AGAP1: variants seen among roughly 807,000 people sequenced by gnomAD.
The protein encoded by AGAP1 is arf-GAP with GTPase, ANK repeat and PH domain-containing protein 1.
Under a neutral mutation model 105.3 loss-of-function variants are expected in AGAP1, and 29 were observed. That is an observed-to-expected ratio of 0.28 (90% CI 0.21 to 0.38). The LOEUF is 0.38. Among genes scored for constraint, AGAP1 ranks in the 10% least tolerant of loss-of-function variants. AGAP1 has a pLI of 1.00. For synonymous variants in AGAP1, 509 were observed against 485.9 expected (o/e 1.05, Z -0.63); for missense variants, 998 against 1,165.1 (o/e 0.86, Z 2.09).
In AGAP1 at chr2:235,845,686, G is replaced by A. The variant is rs547985523; in HGVS notation, c.1051-37659G>A. Reference sequence around the variant, plus strand: ...GTCTTTGCCTCTCGGTGACATCCACGGAGTCACCCAAGTCACCAGCCGGGA... The same window carrying A: ...GTCTTTGCCTCTCGGTGACATCCACAGAGTCACCCAAGTCACCAGCCGGGA... On this transcript the variant is annotated intron_variant, in intron 9 of 17. Transcript: ENST00000304032. This position sits in a 1 kb window ranked among gnomAD's most constrained non-coding sequence, Gnocchi z 4.8. 3.3e-5 allele frequency among the ~76,000 whole-genome samples: 5 copies of A among 151,686 alleles called. No homozygotes were observed. Among genetic ancestry groups the A allele is most frequent in the East Asian group, 1.9e-4 (1 of 5,146 alleles).
intron 1 of AGAP1, among the ~76,000 whole-genome samples, chr2:235,657,258 A>G (rs1947802997): frequency 6.6e-6 from 1 of 152,178 alleles, no homozygotes; most frequent in African/African-American, 2.4e-5. Flanking sequence ...GAGTTGTTCA[A>G]TGCATGACCT....
intron 12 of AGAP1, among the ~76,000 whole-genome samples, chr2:235,968,052 A>G (rs527599610): frequency 6.6e-6 from 1 of 152,230 alleles, no homozygotes; most frequent in African/African-American, 2.4e-5. Context: ...AGTCAAACCC[A>G]CTTAAGATGA....
At chr2:235,846,845 C>T (rs1057320888) in intron 9 of AGAP1, among the ~76,000 whole-genome samples, 1 of 152,148 alleles carries the variant, frequency 6.6e-6, no homozygotes, top group African/African-American at 2.4e-5. Context: ...CCAGGCTGGT[C>T]TGGAACTCCT....
Position 235,807,243 on chromosome 2 carries a change from G to C in AGAP1, c.962G>C (p.Arg321Pro). Residue 321 changes from arginine to proline, a missense_variant, in exon 9 of 18, where the codon CGG becomes CCG. Around this residue, in one of 3 missense-constraint regions of AGAP1, gnomAD observed 735 missense variants for 833.4 expected, o/e 0.88. Coordinates refer to ENST00000304032, the MANE Select transcript of AGAP1 (RefSeq NM_001037131.3). ...SKRRSNLFTS[R>P]KGSDPDKEKK... The stretch of plus-strand genomic sequence containing the variant: ...AACTTTCCTTTTGCTTTGCAGTCTC[G>C]GAAAGGGAGCGACCCAGACAAAGAG... 6.2e-7 allele frequency: 1 copy of C among 1,610,640 alleles called. No individual in the cohort carries two copies. The highest frequency in any genetic ancestry group is 8.5e-7 in the Non-Finnish European group (1 of 1,179,158).
rs771864634 is a variant in AGAP1 at position 235,635,461 on chromosome 2, G to A, written c.164-73718G>A. 1.3e-5 allele frequency among the ~76,000 whole-genome samples: 2 copies of A among 152,134 alleles called. No homozygotes were observed. Among genetic ancestry groups the A allele is most frequent in the Non-Finnish European group, 2.9e-5 (2 of 68,024 alleles). ...TCTGAAAATTTGTCATTTTGGTGTG[G>A]TGAATTCGTTCTTTTATTCATCATC... is the stretch of plus-strand genomic sequence containing the variant. On this transcript the variant is annotated intron_variant, in intron 1 of 17. Transcript: ENST00000304032. This position sits in a 1 kb window ranked among gnomAD's most constrained non-coding sequence, Gnocchi z 5.3.
rs1160948275 is a variant in AGAP1, at chr2:235,765,237, G to A, written c.673+14749G>A. Among the ~76,000 whole-genome samples the A allele has an allele frequency of 2.6e-3, 287 of 109,912 alleles. 1 individual carries two copies. Among genetic ancestry groups the A allele is most frequent in the Non-Finnish European group, 4.7e-3 (253 of 54,244 alleles). The allele number at this position is 109,912 out of a possible 152,430, so 72.1% of individuals were successfully genotyped here. On this transcript the variant is annotated intron_variant, in intron 6 of 17. Coordinates refer to ENST00000304032, the MANE Select transcript of AGAP1 (RefSeq NM_001037131.3). The stretch of plus-strand genomic sequence containing the variant: ...CGTGGGGTTGGGGGTATCTGGGAGC[G>A]TCCGTGGGGTGGGGGCATCTGGGAG...
At chr2:235,696,581 C>A (rs1300770768) in intron 1 of AGAP1, among the ~76,000 whole-genome samples, 1 of 152,212 alleles carries the variant, frequency 6.6e-6, no homozygotes. Context: ...CTCAACAGAC[C>A]TTCTCCCAGG....
At chr2:235,588,391 C>T (rs1945201592) in intron 1 of AGAP1, among the ~76,000 whole-genome samples, 1 of 152,060 alleles carries the variant, frequency 6.6e-6, no homozygotes, top group African/African-American at 2.4e-5. Context: ...ACTCAACCAC[C>T]CTTCCCATTT....
intron 1 of AGAP1, among the ~76,000 whole-genome samples, chr2:235,511,963 AAGGTGATTGTGAG>A (rs1942148858): frequency 6.9e-6 from 1 of 144,956 alleles, no homozygotes; most frequent in Non-Finnish European, 1.5e-5. Flanking sequence ...TGTGTGTGTA[AAGGTGATTGTGAG>A]TGTGTGAATG....
chr2:235,626,396 C>T (rs1946638293), intron 1 of AGAP1, among the ~76,000 whole-genome samples: 1 of 152,160 alleles, frequency 6.6e-6, no homozygotes, highest in South Asian at 2.1e-4. Context: ...CTCTCTCCCT[C>T]ATAAGCTTGC....
rs1035699123 is a variant in AGAP1, at chr2:235,976,999, T to C, written c.1645+8376T>C. ...GAAGCATAAACTCACCTTTGAAAAA[T>C]GCTGACTACTCACAAGGTCCCTTTC... On this transcript the variant is annotated intron_variant, in intron 13 of 17. Coordinates refer to ENST00000304032, the MANE Select transcript of AGAP1 (RefSeq NM_001037131.3). This position sits in a 1 kb window ranked among gnomAD's most constrained non-coding sequence, Gnocchi z 4.5. 6.6e-6 allele frequency among the ~76,000 whole-genome samples: 1 copy of C among 152,116 alleles called. No individual in the cohort carries two copies. The highest frequency in any genetic ancestry group is 1.5e-5 in the Non-Finnish European group (1 of 68,026).
chr2:235,724,594 G>A lies in AGAP1; in HGVS notation c.310+6950G>A, dbSNP rs980031292. 6.6e-6 allele frequency among the ~76,000 whole-genome samples: 1 copy of A among 152,088 alleles called. No homozygotes were observed. Among genetic ancestry groups the A allele is most frequent in the East Asian group, 1.9e-4 (1 of 5,170 alleles). ...AGGTACCTGCGGTGGTGGGGGGAGG[G>A]GGAGTTCCCTATGTAAAGAAGAGTC... is the stretch of plus-strand genomic sequence containing the variant. On this transcript the variant is annotated intron_variant, in intron 3 of 17. Transcript: ENST00000304032. This position sits in a 1 kb window ranked among gnomAD's most constrained non-coding sequence, Gnocchi z 4.9.
At chr2:235,924,973 G>A (rs1323737506) in intron 11 of AGAP1, among the ~76,000 whole-genome samples, 3 of 152,128 alleles carry the variant, frequency 2.0e-5, no homozygotes, top group Non-Finnish European at 4.4e-5. Context: ...GAGGCCCGTG[G>A]AGAGCTGGCT....
rs1341593636 is a variant in AGAP1, at chr2:235,943,537, A to G, written c.1483+12614A>G. ...GCTAATTTTTGTATTTTTAGTAGAGACGGGGTTTCGCCATGTTGGCCAGGC... is the reference window on the plus strand; with the variant it reads ...GCTAATTTTTGTATTTTTAGTAGAGGCGGGGTTTCGCCATGTTGGCCAGGC... On this transcript the variant is annotated intron_variant, in intron 12 of 17. Coordinates refer to ENST00000304032, the MANE Select transcript of AGAP1 (RefSeq NM_001037131.3). 2.0e-5 allele frequency among the ~76,000 whole-genome samples: 3 copies of G among 151,906 alleles called. No homozygotes were observed. The East Asian group carries it at 5.8e-4, about 29-fold the overall frequency.
chr2:235,925,942 A>C (rs193108535), intron 11 of AGAP1, among the ~76,000 whole-genome samples: 1 of 152,366 alleles, frequency 6.6e-6, no homozygotes, highest in East Asian at 1.9e-4. Flanking sequence ...TTAACGTGAA[A>C]TGAATTCCAG....
chr2:236,074,717 T>C (rs2058591249), intron 16 of AGAP1, among the ~76,000 whole-genome samples: 1 of 152,218 alleles, frequency 6.6e-6, no homozygotes. Flanking sequence ...CTGTTTTCTT[T>C]TACTTAAAAG....
intron 9 of AGAP1, among the ~76,000 whole-genome samples, chr2:235,835,128 C>T (rs1959981480): frequency 6.6e-6 from 1 of 152,178 alleles, no homozygotes; most frequent in South Asian, 2.1e-4. Context: ...TGGACAGGTG[C>T]CCTCAGTGTG....
At position 236,109,669 on chromosome 2, in the gene AGAP1, G is replaced by A. The variant is rs891387487; in HGVS notation, c.2115-10523G>A. ...GAACGTCCTAGTCGGCGGCAGCGTCGGTGCTCTGGACCGGCAGCCGTGGAA... is the reference window on the plus strand; with the variant it reads ...GAACGTCCTAGTCGGCGGCAGCGTCAGTGCTCTGGACCGGCAGCCGTGGAA... On this transcript the variant is annotated intron_variant, in intron 16 of 17. Transcript: ENST00000304032. The surrounding 1 kb of genome is among the most constrained non-coding windows in gnomAD (Gnocchi z 5.4). 6.6e-6 allele frequency among the ~76,000 whole-genome samples: 1 copy of A among 152,212 alleles called. No individual in the cohort carries two copies. Among genetic ancestry groups the A allele is most frequent in the African/African-American group, 2.4e-5 (1 of 41,454 alleles).
chr2:235,594,301 T>TC (rs397975544), intron 1 of AGAP1, among the ~76,000 whole-genome samples: 3 of 150,414 alleles, frequency 2.0e-5, no homozygotes, highest in African/African-American at 7.3e-5. Context: ...TTTTTTTTTT[T>TC]CATATTTAAA....
Sources: allele counts gnomAD v4.1 joint callset (sites outside exome capture counted in the v4.1 genomes callset), GRCh38; gene constraint gnomAD v4.1.1; regional missense constraint gnomAD v4.1.1; non-coding constraint Gnocchi (gnomAD v3.1); transcripts MANE v1.5; gene names NCBI Gene and HGNC (gene_info 2026-07-23, HGNC 2026-07-21).